Variants in OXTR observed in about 807,000 individuals in gnomAD.
The protein encoded by OXTR is oxytocin receptor.
In OXTR, 19 loss-of-function variants were observed where a neutral mutation model predicts 23.9. That is an observed-to-expected ratio of 0.80 (90% CI 0.56 to 1.17). OXTR has a LOEUF of 1.17. OXTR is among the 50% of genes most tolerant of loss of function. The pLI is 0.00. For synonymous variants in OXTR, 278 were observed against 250.5 expected (o/e 1.11, Z -1.04); for missense variants, 500 against 550.7 (o/e 0.91, Z 0.92).
chr3:8,765,433 G>A (rs886377473), intron 3 of OXTR, among the ~76,000 whole-genome samples: 1 of 152,218 alleles, frequency 6.6e-6, no homozygotes, highest in African/African-American at 2.4e-5. Flanking sequence ...ACTGAATGCT[G>A]AAATGTCCTC....
chr3:8,768,689 C>T lies in OXTR; in HGVS notation c.-238-98G>A, dbSNP rs552890297. On this transcript the variant is annotated intron_variant, in intron 1 of 3. Coordinates refer to ENST00000316793, the MANE Select transcript of OXTR (RefSeq NM_000916.4). The surrounding 1 kb of genome is among the most constrained non-coding windows in gnomAD (Gnocchi z 5.4). ...CGAGGGAATCTCCAAACTACCTACT[C>T]GCCCCAGGCTCCGACCCTCAGCATA... The T allele has an allele frequency of 6.5e-6, 1 of 153,094 alleles. No homozygotes were observed. The highest frequency in any genetic ancestry group is 6.5e-5 in the Admixed American group (1 of 15,324). 9.5% of individuals were successfully genotyped at this position (153,094 alleles called of 1,614,324 possible). A position where few individuals can be genotyped will look rare whatever the true frequency, so the allele number is the denominator to read the frequency against.
chr3:8,769,121 C>G (rs573677550), intron 1 of OXTR, 110 bp downstream of exon 1: 1 of 152,306 alleles, frequency 6.6e-6, no homozygotes, highest in Non-Finnish European at 1.5e-5. Flanking sequence ...CGGAACACCC[C>G]GAGCTCCTCC....
intron 3 of OXTR, among the ~76,000 whole-genome samples, chr3:8,753,608 C>A (rs1339925687): frequency 3.9e-5 from 6 of 152,186 alleles, no homozygotes; most frequent in African/African-American, 4.8e-5. Flanking sequence ...AAGCACAGTA[C>A]CCAAAAGCTG....
At position 8,767,628 on chromosome 3, in the gene OXTR, C is replaced by A. The variant is rs998463848; in HGVS notation, c.560G>T (p.Cys187Phe). 13 of 1,612,964 alleles carry A rather than the reference C, an allele frequency of 8.1e-6. No individual in the cohort carries two copies. The African/African-American group carries it at 1.1e-4, about 13-fold the overall frequency. ...CCAGGGCTGGATGAAGACGGCCCAGCAGTCGAAGACGCCGTCAGCCACCTC... is the reference window on the plus strand; with the variant it reads ...CCAGGGCTGGATGAAGACGGCCCAGAAGTCGAAGACGCCGTCAGCCACCTC... ...LREVADGVFD[C>F]WAVFIQPWGP... is the part of the protein sequence containing the mutation. Residue 187 changes from cysteine (C) to phenylalanine (F), a missense_variant, in exon 3 of 4, where the codon TGC becomes TTC. Transcript: ENST00000316793.
chr3:8,752,280 T>C lies in OXTR; in HGVS notation c.*697A>G. On this transcript the variant is annotated 3_prime_UTR_variant, in exon 4 of 4. Transcript: ENST00000316793. ...GTGTGTGTGTGAGTTCCTTAGGATT[T>C]TCTATATACAAAACTGTGTCATCTG... 6.6e-6 allele frequency: 1 copy of C among 152,092 alleles called. No individual in the cohort carries two copies. Among genetic ancestry groups the C allele is most frequent in the Non-Finnish European group, 1.5e-5 (1 of 68,026 alleles). The allele number at this position is 152,092 out of a possible 1,614,324, so 9.4% of individuals were successfully genotyped here.
intron 3 of OXTR, among the ~76,000 whole-genome samples, chr3:8,756,782 A>T (rs1297191162): frequency 6.6e-6 from 1 of 152,248 alleles, no homozygotes; most frequent in Non-Finnish European, 1.5e-5. Flanking sequence ...GCAAATGTGC[A>T]AAGGCCAGGC....
intron 3 of OXTR, among the ~76,000 whole-genome samples, chr3:8,764,788 T>C (rs1708568498): frequency 6.6e-6 from 1 of 152,182 alleles, no homozygotes; most frequent in Non-Finnish European, 1.5e-5. Flanking sequence ...CCTGGCTGTG[T>C]GCTTGGGGCA....
Position 8,768,919 on chromosome 3 carries a change from C to T in OXTR, c.-239+312G>A, listed in dbSNP as rs1251526021. 6.6e-6 allele frequency among the ~76,000 whole-genome samples: 1 copy of T among 152,174 alleles called. No individual in the cohort carries two copies. Among genetic ancestry groups the T allele is most frequent in the Non-Finnish European group, 1.5e-5 (1 of 68,036 alleles). ...TCGGTGGAAACCCGGTTCTGCAGTC[C>T]CTGCTGGGGGAACCCCTGCCTCAAA... On this transcript the variant is annotated intron_variant, in intron 1 of 3. Transcript: ENST00000316793. The surrounding 1 kb of genome is among the most constrained non-coding windows in gnomAD (Gnocchi z 5.4).
rs948430170 is a variant in OXTR at position 8,768,158 on chromosome 3, G to A, written c.30C>T (p.Ser10=). The change falls in exon 3 of 4, where the codon AGC becomes AGT. Residue 10 remains serine (S), a synonymous_variant. Transcript: ENST00000316793. The surrounding 1 kb of genome is among the most constrained non-coding windows in gnomAD (Gnocchi z 5.4). ...CGGCGCTGGCGTTGGCTGCCTCGGC[G>A]CTCCAGTTGGCTGCGAGCGCGCCCT... is the stretch of plus-strand genomic sequence containing the variant. MEGALAANW[S]AEAANASAAP... is the part of the protein sequence containing the mutation. 35 of 1,329,574 alleles carry A rather than the reference G, an allele frequency of 2.6e-5. No individual in the cohort carries two copies. Among genetic ancestry groups the A allele is most frequent in the African/African-American group, 4.6e-5 (3 of 64,814 alleles). The allele number at this position is 1,329,574 out of a possible 1,614,324, so 82.4% of individuals were successfully genotyped here. A position where few individuals can be genotyped will look rare whatever the true frequency, so the allele number is the denominator to read the frequency against.
Position 8,767,592 on chromosome 3 carries a change from G to A in OXTR, c.596C>T (p.Ala199Val). ...AVFIQPWGPK[A>V]YITWITLAVY... ...AGCTAGCGTGATCCATGTGATGTAG[G>A]CCTTGGGTCCCCAGGGCTGGATGAA... is the stretch of plus-strand genomic sequence containing the variant. Residue 199 changes from alanine (A) to valine (V), a missense_variant, in exon 3 of 4, where the codon GCC (alanine) becomes GTC (valine). Transcript: ENST00000316793. 6.2e-7 allele frequency: 1 copy of A among 1,613,456 alleles called. No individual in the cohort carries two copies. The highest frequency in any genetic ancestry group is 8.5e-7 in the Non-Finnish European group (1 of 1,179,778).
At chr3:8,760,863 G>C (rs559472350) in intron 3 of OXTR, among the ~76,000 whole-genome samples, 55 of 152,252 alleles carry the variant, frequency 3.6e-4, no homozygotes, top group African/African-American at 8.7e-4. Context: ...GCTGGCCAGA[G>C]ACCAGGGCAA....
At position 8,767,606 on chromosome 3, in the gene OXTR, G is replaced by C. The variant is rs1383487856; in HGVS notation, c.582C>G (p.Pro194=). 1.2e-6 allele frequency: 2 copies of C among 1,613,428 alleles called. No homozygotes were observed. The highest frequency in any genetic ancestry group is 1.7e-6 in the Non-Finnish European group (2 of 1,179,790). Reference sequence around the variant, plus strand: ...ATGTGATGTAGGCCTTGGGTCCCCAGGGCTGGATGAAGACGGCCCAGCAGT... The same window carrying C: ...ATGTGATGTAGGCCTTGGGTCCCCACGGCTGGATGAAGACGGCCCAGCAGT... ...VFDCWAVFIQ[P]WGPKAYITWI... The change falls in exon 3 of 4, where the codon CCC becomes CCG. Residue 194 remains proline, a synonymous_variant. Transcript: ENST00000316793.
chr3:8,759,375 G>T (rs879790535), intron 3 of OXTR, among the ~76,000 whole-genome samples: 2 of 152,232 alleles, frequency 1.3e-5, no homozygotes, highest in East Asian at 3.9e-4. Flanking sequence ...CCATCATATT[G>T]TCATTATTTT....
chr3:8,763,498 T>C (rs1708535126), intron 3 of OXTR, among the ~76,000 whole-genome samples: 1 of 152,136 alleles, frequency 6.6e-6, no homozygotes, highest in Admixed American at 6.5e-5. Flanking sequence ...AGCCCCACTC[T>C]ACCAAACTCC....
chr3:8,742,704 A>G, the OXTR span: 1 of 324,546 alleles, frequency 3.1e-6, no homozygotes, highest in Non-Finnish European at 6.2e-6. Context: ...AAAGTGGGTA[A>G]TCAATCAGTA....
intron 3 of OXTR, among the ~76,000 whole-genome samples, chr3:8,763,220 G>A (rs1708527957): frequency 6.6e-6 from 1 of 152,104 alleles, no homozygotes; most frequent in Non-Finnish European, 1.5e-5. Flanking sequence ...CCTCCACCCA[G>A]GCTCAAGACA....
At chr3:8,753,360 G>T (rs1575483093) in intron 3 of OXTR, 136 bp from the exon 4 acceptor site, 2 of 1,088,196 alleles carry the variant, frequency 1.8e-6, no homozygotes, top group East Asian at 2.6e-5. Flanking sequence ...CACAAGATGA[G>T]GTACTAAAGA....
At chr3:8,761,266 GA>G (rs771997676) in intron 3 of OXTR, among the ~76,000 whole-genome samples, 1 of 152,240 alleles carries the variant, frequency 6.6e-6, no homozygotes, top group South Asian at 2.1e-4. Context: ...GGGAGGATGA[GA>G]GGGGCATGGC....
chr3:8,745,312 C>T, the OXTR span, among the ~76,000 whole-genome samples: 1 of 152,206 alleles, frequency 6.6e-6, no homozygotes, highest in African/African-American at 2.4e-5. The surrounding 1 kb of genome is among the most constrained non-coding windows in gnomAD (Gnocchi z 4.8). Context: ...GCACAGATCA[C>T]AGACCCATGG....
Sources: gnomAD v4.1 joint callset for allele counts (sites outside exome capture counted in the v4.1 genomes callset) on GRCh38, gnomAD v4.1.1 for gene constraint, Gnocchi (gnomAD v3.1) non-coding constraint, MANE v1.5 for transcripts, NCBI Gene and HGNC (gene_info 2026-07-23, HGNC 2026-07-21) for gene names.